Variants in KCNC2 observed in about 807,000 individuals in gnomAD.
The protein encoded by KCNC2 is voltage-gated potassium channel KCNC2.
KCNC2 carries 21 observed loss-of-function variants against 44.5 expected under a neutral mutation model. The ratio of observed to expected loss-of-function variants is 0.47; its 90% CI spans 0.33 to 0.68. The LOEUF (loss-of-function observed/expected upper bound fraction) is 0.68. KCNC2 is among the 30% of genes least tolerant of loss of function. The pLI is 0.01. For missense variants in KCNC2, 589 were observed against 826.2 expected, an observed-to-expected ratio of 0.71 and a Z score of 3.52; for synonymous variants, 391 against 339.1, an observed-to-expected ratio of 1.15 and a Z score of -1.68.
At chr12:75,141,364 A>T (rs1453920608) in intron 2 of KCNC2, among the ~76,000 whole-genome samples, 1 of 152,254 alleles carries the variant, frequency 6.6e-6, no homozygotes, top group Non-Finnish European at 1.5e-5. Flanking sequence ...GATTAAATAA[A>T]TCGATAAAGT....
intron 2 of KCNC2, among the ~76,000 whole-genome samples, chr12:75,066,896 C>T (rs574419791): frequency 6.6e-6 from 1 of 152,184 alleles, no homozygotes; most frequent in East Asian, 1.9e-4. Context: ...CTAATGCTTT[C>T]AATTTGGGGA....
chr12:75,162,463 C>A (rs1891182584), intron 2 of KCNC2, among the ~76,000 whole-genome samples: 1 of 151,698 alleles, frequency 6.6e-6, no homozygotes, highest in South Asian at 2.1e-4. Context: ...CAACATGGCA[C>A]CTGATAGATA....
At chr12:75,113,878 C>T (rs1329406271) in intron 2 of KCNC2, among the ~76,000 whole-genome samples, 1 of 152,070 alleles carries the variant, frequency 6.6e-6, no homozygotes, top group Non-Finnish European at 1.5e-5. Flanking sequence ...AGTTTCAGGC[C>T]ACTTTCAATC....
intron 2 of KCNC2, among the ~76,000 whole-genome samples, chr12:75,181,459 T>A (rs915101395): frequency 6.6e-6 from 1 of 152,192 alleles, no homozygotes; most frequent in East Asian, 1.9e-4. Flanking sequence ...TAGCTTTGCC[T>A]TTGATTTCTT....
At chr12:75,186,898 C>T (rs1312168833) in intron 2 of KCNC2, among the ~76,000 whole-genome samples, 1 of 152,206 alleles carries the variant, frequency 6.6e-6, no homozygotes, top group African/African-American at 2.4e-5. Flanking sequence ...TATCTTACAT[C>T]TCAGTCCTTC....
intron 2 of KCNC2, among the ~76,000 whole-genome samples, chr12:75,066,160 G>A (rs1483781595): frequency 2.6e-5 from 4 of 151,710 alleles, no homozygotes; most frequent in Non-Finnish European, 5.9e-5. Context: ...CATTTATTTA[G>A]CACTATTTTT....
chr12:75,167,048 A>G (rs748288375), intron 2 of KCNC2, among the ~76,000 whole-genome samples: 1 of 151,298 alleles, frequency 6.6e-6, no homozygotes, highest in Non-Finnish European at 1.5e-5. Flanking sequence ...TGAACTTACT[A>G]AAAGAAAAGA....
At chr12:75,059,537 T>G (rs1166352051) in intron 2 of KCNC2, among the ~76,000 whole-genome samples, 2 of 152,100 alleles carry the variant, frequency 1.3e-5, no homozygotes, top group African/African-American at 2.4e-5. Context: ...CTCTTCTAAT[T>G]TTATTTTTGT....
rs559415038 is a variant in KCNC2, at chr12:75,110,557, C to T, written c.688-59240G>A. The stretch of plus-strand genomic sequence containing the variant: ...GCAACAAATATCAACTGACCAGGAC[C>T]GGAGATCTTGGAATAGGAAATGGTG... On this transcript the variant is annotated intron_variant, in intron 2 of 4. Transcript: ENST00000549446. Among the ~76,000 whole-genome samples the T allele has an allele frequency of 3.3e-5, 5 of 152,040 alleles. No homozygotes were observed. The South Asian group carries it at 6.2e-4, about 19-fold the overall frequency.
At position 75,103,194 on chromosome 12, in the gene KCNC2, T is replaced by C. The variant is rs534424196; in HGVS notation, c.688-51877A>G. Among the ~76,000 whole-genome samples the C allele has an allele frequency of 1.5e-4, 23 of 152,310 alleles. 1 individual carries two copies. The South Asian group carries it at 4.6e-3, about 30-fold the overall frequency. On this transcript the variant is annotated intron_variant, in intron 2 of 4. Coordinates refer to ENST00000549446, the MANE Select transcript of KCNC2 (RefSeq NM_139137.4). ...AATATAACATGCAAAACAAACAAGC[T>C]GATGAATGGAATTGGAAATTTCCAA...
chr12:75,170,832 G>A (rs1211260156), intron 2 of KCNC2, among the ~76,000 whole-genome samples: 1 of 151,770 alleles, frequency 6.6e-6, no homozygotes, highest in Non-Finnish European at 1.5e-5. Flanking sequence ...TAAAAGTTCT[G>A]GCACAGCATA....
chr12:75,111,426 C>T (rs146499130), intron 2 of KCNC2, among the ~76,000 whole-genome samples: 37 of 152,164 alleles, frequency 2.4e-4, no homozygotes, highest in East Asian at 1.5e-3. Flanking sequence ...CAGTTACAAA[C>T]GGTATCATTA....
intron 2 of KCNC2, among the ~76,000 whole-genome samples, chr12:75,085,343 A>G (rs996564353): frequency 1.3e-5 from 2 of 152,026 alleles, no homozygotes; most frequent in Non-Finnish European, 2.9e-5. Flanking sequence ...ATTACTTTGA[A>G]AAGGAAGAAG....
chr12:75,163,007 C>A (rs189140358), intron 2 of KCNC2, among the ~76,000 whole-genome samples: 1 of 151,818 alleles, frequency 6.6e-6, no homozygotes, highest in East Asian at 2.0e-4. Context: ...AGTGGATCTG[C>A]AGATCCAGAT....
intron 3 of KCNC2, among the ~76,000 whole-genome samples, chr12:75,049,762 C>T (rs1198834820): frequency 6.6e-6 from 1 of 151,956 alleles, no homozygotes; most frequent in Non-Finnish European, 1.5e-5. Context: ...ATGGCATGGA[C>T]CCTCATCAAA....
intron 2 of KCNC2, among the ~76,000 whole-genome samples, chr12:75,109,875 C>T (rs1019133425): frequency 2.0e-5 from 3 of 151,804 alleles, no homozygotes; most frequent in African/African-American, 7.3e-5. Context: ...AGGATATTCT[C>T]TAGATCTTAA....
intron 2 of KCNC2, among the ~76,000 whole-genome samples, chr12:75,165,006 T>C (rs78392700): frequency 0.017 from 2,558 of 151,692 alleles, 68 homozygotes; most frequent in African/African-American, 0.058. Flanking sequence ...TGTACATACT[T>C]CAATTCCTAT....
intron 2 of KCNC2, among the ~76,000 whole-genome samples, chr12:75,080,224 G>C (rs968893061): frequency 1.3e-5 from 2 of 151,990 alleles, no homozygotes; most frequent in African/African-American, 4.8e-5. Context: ...ATGTAGAAAA[G>C]TAATTAAAAT....
At chr12:75,133,396 TA>T (rs1452893731) in intron 2 of KCNC2, among the ~76,000 whole-genome samples, 1 of 151,420 alleles carries the variant, frequency 6.6e-6, no homozygotes, top group Non-Finnish European at 1.5e-5. Flanking sequence ...CGTAAATATA[TA>T]AAACTATTAT....
Sources: allele counts gnomAD v4.1 joint callset (sites outside exome capture counted in the v4.1 genomes callset), GRCh38; gene constraint gnomAD v4.1.1; transcripts MANE v1.5; gene names NCBI Gene and HGNC (gene_info 2026-07-23, HGNC 2026-07-21).